PAH: variants seen among roughly 807,000 people sequenced by gnomAD.
The protein encoded by PAH is phenylalanine hydroxylase.
A neutral mutation model predicts 62.0 loss-of-function variants in PAH; 64 were observed. That is an observed-to-expected ratio of 1.03 (90% CI 0.84 to 1.27). The LOEUF is 1.27. Ranked by LOEUF, PAH falls within the 50% of genes most tolerant of loss-of-function variation. The pLI, the probability that PAH is intolerant of heterozygous loss-of-function variation, is 0.00. For missense variants in PAH, 579 were observed against 542.8 expected, an observed-to-expected ratio of 1.07 and a Z score of -0.66; for synonymous variants, 195 against 196.2, an observed-to-expected ratio of 0.99 and a Z score of 0.05.
intron 2 of PAH, among the ~76,000 whole-genome samples, chr12:102,907,866 C>G (rs904835313): frequency 8.5e-5 from 13 of 152,248 alleles, no homozygotes; most frequent in South Asian, 4.1e-4. Flanking sequence ...GATCTGCCCG[C>G]CTTGGCCTTC....
In PAH at chr12:102,876,676, G is replaced by A. The variant is rs575555902; in HGVS notation, c.441+786C>T. ...CAACAGGACGGTGGCCCTTCCCACC[G>A]ATGGAGGCTGTGAGACCTGGCCCTG... On this transcript the variant is annotated intron_variant, in intron 4 of 12. Coordinates refer to ENST00000553106, the MANE Select transcript of PAH (RefSeq NM_000277.3). 3.3e-5 allele frequency among the ~76,000 whole-genome samples: 5 copies of A among 152,252 alleles called. No individual in the cohort carries two copies. The East Asian group carries it at 5.8e-4, about 18-fold the overall frequency.
intron 8 of PAH, 70 bp downstream of exon 8, chr12:102,851,617 T>C: frequency 7.6e-7 from 1 of 1,307,412 alleles, no homozygotes; most frequent in Non-Finnish European, 1.1e-6. Context: ...GACCCCTCCC[T>C]GGGCTCAACT....
chr12:102,922,915 A>G (rs896011361), intron 1 of PAH, among the ~76,000 whole-genome samples: 3 of 152,228 alleles, frequency 2.0e-5, no homozygotes, highest in African/African-American at 7.2e-5. Context: ...AAAAAAAACC[A>G]GATATAAATT....
intron 2 of PAH, among the ~76,000 whole-genome samples, chr12:102,899,703 C>CA (rs1452583072): frequency 6.7e-6 from 1 of 148,932 alleles, no homozygotes; most frequent in Non-Finnish European, 1.5e-5. Flanking sequence ...ACTAAAAATA[C>CA]AAAAAATTAG....
chr12:102,940,008 A>G (rs1350836383), intron 1 of PAH, among the ~76,000 whole-genome samples: 1 of 152,212 alleles, frequency 6.6e-6, no homozygotes, highest in Non-Finnish European at 1.5e-5. Flanking sequence ...GTGAGAACCT[A>G]TCTAATGGCC....
At position 102,894,933 on chromosome 12, in the gene PAH, G is replaced by A; in HGVS notation, c.169-15C>T. 2 of 1,605,834 alleles carry A rather than the reference G, an allele frequency of 1.2e-6. No individual in the cohort carries two copies. Among genetic ancestry groups the A allele is most frequent in the Non-Finnish European group, 1.7e-6 (2 of 1,174,020 alleles). Reference sequence around the variant, plus strand: ...ACATCATTCTCCTAGAAGAGAGAATGGGGAGGGTGAGGAGACAGTCACTGG... The same window carrying A: ...ACATCATTCTCCTAGAAGAGAGAATAGGGAGGGTGAGGAGACAGTCACTGG... On this transcript the variant is annotated splice_polypyrimidine_tract_variant and intron_variant, in intron 2 of 12. Transcript: ENST00000553106.
intron 1 of PAH, among the ~76,000 whole-genome samples, chr12:102,942,554 A>G (rs1157896804): frequency 1.3e-5 from 2 of 152,146 alleles, no homozygotes; most frequent in East Asian, 3.8e-4. Flanking sequence ...TCACAGAATA[A>G]GAAGATACCA....
intron 3 of PAH, among the ~76,000 whole-genome samples, chr12:102,878,044 T>A (rs1298220397): frequency 6.6e-6 from 1 of 152,186 alleles, no homozygotes; most frequent in Non-Finnish European, 1.5e-5. Flanking sequence ...CAGGCTGGTC[T>A]CAAACTTTTG....
chr12:102,913,886 A>G (rs548123524), intron 1 of PAH: 1 of 700,778 alleles, frequency 1.4e-6, no homozygotes, highest in African/African-American at 1.7e-5. Context: ...TCGAAAAATA[A>G]TACATAAAAT....
intron 1 of PAH, chr12:102,958,083 T>C: frequency 2.2e-6 from 1 of 460,076 alleles, no homozygotes; most frequent in South Asian, 6.7e-5. Context: ...CTCCCGGGGA[T>C]TTTGTATATA....
chr12:102,839,771 G>T (rs1316724840), intron 12 of PAH, among the ~76,000 whole-genome samples: 2 of 152,202 alleles, frequency 1.3e-5, no homozygotes, highest in Non-Finnish European at 2.9e-5. Flanking sequence ...AAGGTGTGAT[G>T]CAGCCTTCCA....
intron 8 of PAH, among the ~76,000 whole-genome samples, chr12:102,849,231 T>C (rs771954347): frequency 6.6e-6 from 1 of 152,194 alleles, no homozygotes; most frequent in Non-Finnish European, 1.5e-5. Flanking sequence ...TGTCCCAAAG[T>C]GCTTATGGTT....
Position 102,894,843 on chromosome 12 carries a change from G to A in PAH, c.244C>T (p.His82Tyr). 2 of 1,613,528 alleles carry A rather than the reference G, an allele frequency of 1.2e-6. No homozygotes were observed. Among genetic ancestry groups the A allele is most frequent in the Non-Finnish European group, 1.7e-6 (2 of 1,179,580 alleles). ...GCAGGCAGGCTACGTTTATCCAAAT[G>A]GGTGAAAAATTCATACTCATCTTTC... ...LKKDEYEFFTHLDKRSLPALT... is the reference protein window; with the variant it reads ...LKKDEYEFFTYLDKRSLPALT... Residue 82 changes from histidine to tyrosine, a missense_variant, in exon 3 of 13, where the codon CAT (histidine) becomes TAT (tyrosine). By Grantham distance (83) the His-to-Tyr change is moderately conservative. Coordinates refer to ENST00000553106, the MANE Select transcript of PAH (RefSeq NM_000277.3).
chr12:102,911,004 C>T (rs1016445576), intron 2 of PAH, among the ~76,000 whole-genome samples: 1 of 152,184 alleles, frequency 6.6e-6, no homozygotes, highest in African/African-American at 2.4e-5. Flanking sequence ...TTCAGGCAAG[C>T]TTCCTTTCCA....
upstream of PAH, among the ~76,000 whole-genome samples, chr12:102,921,875 T>C (rs1296497757): frequency 6.6e-6 from 1 of 152,210 alleles, no homozygotes; most frequent in Non-Finnish European, 1.5e-5. Context: ...AGTTATCCCT[T>C]ATATTTTAAT....
intron 3 of PAH, among the ~76,000 whole-genome samples, chr12:102,891,616 A>G (rs1877277031): frequency 6.6e-6 from 1 of 152,090 alleles, no homozygotes. Context: ...CCAATCCTAT[A>G]AGGCAGAGGC....
chr12:102,900,984 C>G (rs963220239), intron 2 of PAH, among the ~76,000 whole-genome samples: 14 of 152,064 alleles, frequency 9.2e-5, no homozygotes, highest in Non-Finnish European at 1.9e-4. Flanking sequence ...CAGCATAAAA[C>G]CTTGCTAATC....
At chr12:102,889,257 C>T (rs2136694444) in intron 3 of PAH, among the ~76,000 whole-genome samples, 1 of 152,286 alleles carries the variant, frequency 6.6e-6, no homozygotes, top group Admixed American at 6.5e-5. Flanking sequence ...TCTGAAATGT[C>T]AGCTTTACTC....
upstream of PAH, among the ~76,000 whole-genome samples, chr12:102,952,930 C>T (rs2136779323): frequency 6.6e-6 from 1 of 152,304 alleles, no homozygotes; most frequent in African/African-American, 2.4e-5. Flanking sequence ...AAGGCTGGTG[C>T]AGAGTCAATG....
Sources: gnomAD v4.1 joint callset for allele counts (sites outside exome capture counted in the v4.1 genomes callset) on GRCh38, gnomAD v4.1.1 for gene constraint, MANE v1.5 for transcripts, NCBI Gene and HGNC (gene_info 2026-07-23, HGNC 2026-07-21) for gene names.